ATXN1: variants seen among roughly 807,000 people sequenced by gnomAD.
ATXN1 encodes the protein ataxin 1, also known as ataxin-1.
ATXN1 carries 8 observed loss-of-function variants against 56.4 expected under a neutral mutation model. The ratio of observed to expected loss-of-function variants is 0.14; its 90% CI spans 0.08 to 0.26. ATXN1 has a LOEUF of 0.26. ATXN1 is among the 10% of genes least tolerant of loss of function. The probability of loss-of-function intolerance (pLI) is 1.00; values close to 1 mark genes in which losing one functional copy is unlikely to be tolerated. For synonymous variants in ATXN1, 514 were observed against 494.6 expected, an observed-to-expected ratio of 1.04 and a Z score of -0.52; for missense variants, 987 against 1,106.5, an observed-to-expected ratio of 0.89 and a Z score of 1.53.
At chr6:16,720,542 A>G (rs1368948514) in intron 2 of ATXN1, among the ~76,000 whole-genome samples, 3 of 152,244 alleles carry the variant, frequency 2.0e-5, no homozygotes, top group Admixed American at 6.5e-5. Flanking sequence ...TGACTTGATT[A>G]GCACCATCAA....
chr6:16,603,125 T>TA (rs1248520056), intron 3 of ATXN1, among the ~76,000 whole-genome samples: 1 of 152,176 alleles, frequency 6.6e-6, no homozygotes, highest in African/African-American at 2.4e-5. Flanking sequence ...GCCTCCTACC[T>TA]AGAGTCACCT....
At chr6:16,446,446 A>C (rs533026943) in intron 6 of ATXN1, among the ~76,000 whole-genome samples, 1 of 152,356 alleles carries the variant, frequency 6.6e-6, no homozygotes, top group African/African-American at 2.4e-5. Context: ...TGCCTGTTAA[A>C]ATTCACATTC....
At chr6:16,433,966 GA>G (rs1238137432) in intron 6 of ATXN1, among the ~76,000 whole-genome samples, 5 of 152,214 alleles carry the variant, frequency 3.3e-5, no homozygotes, top group Non-Finnish European at 5.9e-5. Flanking sequence ...AGCAAACATG[GA>G]TGCCAAACTA....
intron 2 of ATXN1, among the ~76,000 whole-genome samples, chr6:16,665,808 T>G (rs1490582113): frequency 6.6e-6 from 1 of 152,214 alleles, no homozygotes; most frequent in African/African-American, 2.4e-5. Flanking sequence ...TTTACTTGGA[T>G]TCTACTAGGC....
rs1393455032 is a variant in ATXN1 at position 16,328,547 on chromosome 6, C to A, written c.-160-77G>T. 3.6e-5 allele frequency: 22 copies of A among 614,236 alleles called. No homozygotes were observed. In the East Asian group the frequency reaches 3.8e-4, roughly 11 times the overall value. The allele number at this position is 614,236 out of a possible 1,614,324, so 38.0% of individuals were successfully genotyped here. ...GGGAAGGAGGGAAAGGACATCAGAA[C>A]ATGAGCACCGGGGAAAGAACATCTT... On this transcript the variant is annotated intron_variant, in intron 6 of 7. Coordinates refer to ENST00000436367, the MANE Select transcript of ATXN1 (RefSeq NM_001128164.2). The surrounding 1 kb of genome is among the most constrained non-coding windows in gnomAD (Gnocchi z 6.2).
intron 6 of ATXN1, among the ~76,000 whole-genome samples, chr6:16,341,771 G>A (rs962461393): frequency 8.6e-5 from 13 of 151,724 alleles, no homozygotes; most frequent in African/African-American, 3.1e-4. Flanking sequence ...TGCCTGCCTC[G>A]GCCTCCCAAA....
At chr6:16,648,391 G>A (rs1464080184) in intron 3 of ATXN1, among the ~76,000 whole-genome samples, 1 of 152,174 alleles carries the variant, frequency 6.6e-6, no homozygotes, top group Non-Finnish European at 1.5e-5. Flanking sequence ...CTGAGTTTTT[G>A]TCACTAGGTA....
At chr6:16,537,689 A>G (rs1438418318) in intron 4 of ATXN1, among the ~76,000 whole-genome samples, 5 of 151,738 alleles carry the variant, frequency 3.3e-5, no homozygotes, top group Non-Finnish European at 7.4e-5. Flanking sequence ...CTGGGCAACA[A>G]GAGTGAAACT....
chr6:16,378,761 T>C, intron 6 of ATXN1, among the ~76,000 whole-genome samples: 1 of 151,990 alleles, frequency 6.6e-6, no homozygotes, highest in Admixed American at 6.6e-5. Context: ...AGTCTCACTA[T>C]ATTTCCCAGG....
intron 3 of ATXN1, among the ~76,000 whole-genome samples, chr6:16,634,540 C>T (rs1262363361): frequency 6.6e-6 from 1 of 152,038 alleles, no homozygotes; most frequent in African/African-American, 2.4e-5. Flanking sequence ...TTTTCTTCTC[C>T]AAAAAAGAAA....
chr6:16,466,229 C>T (rs777161824), intron 6 of ATXN1, among the ~76,000 whole-genome samples: 11 of 146,300 alleles, frequency 7.5e-5, no homozygotes, highest in Non-Finnish European at 1.3e-4. Context: ...GCAGGAGAAT[C>T]GCTTGTACCC....
chr6:16,622,874 T>A (rs1303939215), intron 3 of ATXN1, among the ~76,000 whole-genome samples: 7 of 152,174 alleles, frequency 4.6e-5, no homozygotes, highest in Non-Finnish European at 1.0e-4. Flanking sequence ...CTTTTTTTTT[T>A]AACTGTCTCA....
At chr6:16,702,259 T>G (rs1759302082) in intron 2 of ATXN1, among the ~76,000 whole-genome samples, 1 of 152,096 alleles carries the variant, frequency 6.6e-6, no homozygotes. Flanking sequence ...TAATAAATGG[T>G]GCTGGGAAAA....
chr6:16,684,495 G>A (rs1758877279), intron 2 of ATXN1, among the ~76,000 whole-genome samples: 1 of 152,124 alleles, frequency 6.6e-6, no homozygotes, highest in South Asian at 2.1e-4. Context: ...GCCCAGGCTG[G>A]AGTGCAGTGG....
At chr6:16,522,981 A>G (rs1242755116) in intron 4 of ATXN1, among the ~76,000 whole-genome samples, 2 of 152,202 alleles carry the variant, frequency 1.3e-5, no homozygotes, top group Non-Finnish European at 2.9e-5. Context: ...TGCCCAAGAA[A>G]TCAATTTTTT....
rs148020491 is a variant in ATXN1, at chr6:16,410,481, T to C, written c.-161+75491A>G. Reference sequence around the variant, plus strand: ...CTGACGAATACCTCAGAGGCTATGTTGGGCTTTTTCTGATGTAGCGATATT... The same window carrying C: ...CTGACGAATACCTCAGAGGCTATGTCGGGCTTTTTCTGATGTAGCGATATT... On this transcript the variant is annotated intron_variant, in intron 6 of 7. Transcript: ENST00000436367. This position sits in a 1 kb window ranked among gnomAD's most constrained non-coding sequence, Gnocchi z 4.6. 1.2e-3 allele frequency among the ~76,000 whole-genome samples: 180 copies of C among 152,332 alleles called. 1 individual carries two copies. The highest frequency in any genetic ancestry group is 6.8e-3 in the Middle Eastern group (2 of 294).
chr6:16,566,382 T>C (rs1762217279), intron 4 of ATXN1, among the ~76,000 whole-genome samples: 1 of 152,062 alleles, frequency 6.6e-6, no homozygotes, highest in Non-Finnish European at 1.5e-5. Context: ...TTTGTTGGCA[T>C]TTTACAACTC....
chr6:16,658,956 C>T (rs1300411991), intron 2 of ATXN1, among the ~76,000 whole-genome samples: 1 of 152,176 alleles, frequency 6.6e-6, no homozygotes, highest in Non-Finnish European at 1.5e-5. Context: ...GCTCGTATGC[C>T]TCAGAAGCTT....
intron 2 of ATXN1, among the ~76,000 whole-genome samples, chr6:16,683,207 C>T (rs1161652730): frequency 6.6e-6 from 1 of 152,088 alleles, no homozygotes; most frequent in Non-Finnish European, 1.5e-5. Flanking sequence ...TCTAGAAGTC[C>T]ATATGTCAGT....
Sources: allele counts gnomAD v4.1 joint callset (sites outside exome capture counted in the v4.1 genomes callset), GRCh38; gene constraint gnomAD v4.1.1; non-coding constraint Gnocchi (gnomAD v3.1); transcripts MANE v1.5; gene names NCBI Gene and HGNC (gene_info 2026-07-23, HGNC 2026-07-21).